The following OTUD7A variants were observed in gnomAD, a reference collection of about 807,000 sequenced individuals.
OTUD7A encodes OTU deubiquitinase 7A, also known as OTU domain-containing protein 7A.
In OTUD7A, 12 loss-of-function variants were observed where a neutral mutation model predicts 65.7. That is an observed-to-expected ratio of 0.18 (90% CI 0.12 to 0.30). The LOEUF is 0.30. OTUD7A is among the 10% of genes least tolerant of loss of function. The pLI, the probability that OTUD7A is intolerant of heterozygous loss-of-function variation, is 1.00. For missense variants in OTUD7A, 1,148 were observed against 1,304.8 expected, an observed-to-expected ratio of 0.88 and a Z score of 1.85; for synonymous variants, 641 against 586.3, an observed-to-expected ratio of 1.09 and a Z score of -1.35.
chr15:31,794,654 C>CT (rs1303012249), intron 1 of OTUD7A, among the ~76,000 whole-genome samples: 1 of 149,496 alleles, frequency 6.7e-6, no homozygotes, highest in Non-Finnish European at 1.5e-5. Context: ...AAAATCCTAA[C>CT]TTTATGGGAC....
intron 1 of OTUD7A, among the ~76,000 whole-genome samples, chr15:31,748,124 G>A (rs1894528544): frequency 6.6e-6 from 1 of 152,118 alleles, no homozygotes; most frequent in African/African-American, 2.4e-5. Flanking sequence ...ACATTATTGA[G>A]AGAATTGATA....
intron 1 of OTUD7A, among the ~76,000 whole-genome samples, chr15:31,853,309 C>A (rs1897478057): frequency 6.6e-6 from 1 of 152,176 alleles, no homozygotes. Context: ...CAGCTTCGAG[C>A]AAACAATCTA....
chr15:31,578,574 C>A (rs991207894), intron 3 of OTUD7A, among the ~76,000 whole-genome samples: 51 of 147,680 alleles, frequency 3.5e-4, no homozygotes, highest in African/African-American at 1.3e-3. Flanking sequence ...TTTTTTGAGA[C>A]AGAGTCTCAC....
At position 31,501,854 on chromosome 15, in the gene OTUD7A, C is replaced by T; in HGVS notation, c.1022-15G>A. ...GGGTGCGAACGCTGTGGACACAAAC[C>T]AGGGTGAGGGTGTGAGGAGCAGCCA... On this transcript the variant is annotated splice_polypyrimidine_tract_variant and intron_variant, in intron 9 of 12. Coordinates refer to ENST00000307050, the MANE Select transcript of OTUD7A (RefSeq NM_001382637.1). The T allele has an allele frequency of 6.2e-7, 1 of 1,600,994 alleles. No individual in the cohort carries two copies. The highest frequency in any genetic ancestry group is 8.5e-7 in the Non-Finnish European group (1 of 1,172,604).
chr15:31,537,768 C>A (rs149753157), intron 5 of OTUD7A, among the ~76,000 whole-genome samples: 1 of 152,360 alleles, frequency 6.6e-6, no homozygotes, highest in East Asian at 1.9e-4. Context: ...CCAAAGTGGG[C>A]AGCCTTGTTC....
chr15:31,674,892 G>A (rs1233982401), intron 1 of OTUD7A, among the ~76,000 whole-genome samples: 3 of 152,188 alleles, frequency 2.0e-5, no homozygotes, highest in South Asian at 2.1e-4. Flanking sequence ...AAAGTTGGGT[G>A]GAGTAGGAAG....
chr15:31,777,857 T>C (rs73378698), intron 1 of OTUD7A, among the ~76,000 whole-genome samples: 4,491 of 152,130 alleles, frequency 0.03, 220 homozygotes, highest in African/African-American at 0.1. Flanking sequence ...AGCTGCAGAA[T>C]TGAGAGCAAA....
At chr15:31,629,473 G>A (rs1002247088) in intron 3 of OTUD7A, among the ~76,000 whole-genome samples, 1 of 152,060 alleles carries the variant, frequency 6.6e-6, no homozygotes, top group Non-Finnish European at 1.5e-5. Flanking sequence ...AGCTTTTTGA[G>A]GTGCTGCTGG....
rs552304141 is a variant in OTUD7A at position 31,509,596 on chromosome 15, C to A, written c.894-5778G>T. Among the ~76,000 whole-genome samples, 29 of 152,064 alleles carry A rather than the reference C, an allele frequency of 1.9e-4. No individual in the cohort carries two copies. The Middle Eastern group carries it at 0.017, about 89-fold the overall frequency. ...CCCAGCCTTGTTTAAAGTTTTAAAA[C>A]AAAATTTTTTTAACCTTTTAATGTA... On this transcript the variant is annotated intron_variant, in intron 8 of 12. Transcript: ENST00000307050.
At chr15:31,550,966 G>C (rs751616393) in intron 5 of OTUD7A, among the ~76,000 whole-genome samples, 8 of 152,206 alleles carry the variant, frequency 5.3e-5, no homozygotes, top group Non-Finnish European at 1.0e-4. Context: ...AACCTGTGCA[G>C]ATAACAGTGT....
chr15:31,752,977 C>T (rs144944392), intron 1 of OTUD7A, among the ~76,000 whole-genome samples: 120 of 152,156 alleles, frequency 7.9e-4, no homozygotes, highest in Non-Finnish European at 9.1e-4. Context: ...CAGAAGTGCT[C>T]AGAATATTAA....
chr15:31,682,857 G>A (rs1047674971), intron 1 of OTUD7A, among the ~76,000 whole-genome samples: 2 of 152,160 alleles, frequency 1.3e-5, no homozygotes, highest in African/African-American at 2.4e-5. Context: ...TTGAGTGTGT[G>A]TGAATATATG....
At chr15:31,833,630 T>C (rs1490712640) in intron 1 of OTUD7A, among the ~76,000 whole-genome samples, 2 of 152,218 alleles carry the variant, frequency 1.3e-5, no homozygotes, top group Non-Finnish European at 2.9e-5. Flanking sequence ...GTTTAACCAA[T>C]AAAATGTATT....
At chr15:31,860,677 G>GCATATATATA (rs1555425281) in intron 1 of OTUD7A, among the ~76,000 whole-genome samples, 44 of 73,278 alleles carry the variant, frequency 6.0e-4, no homozygotes, top group African/African-American at 1.8e-3. Context: ...ATGTATGTGT[G>GCATATATATA]TATATATATA....
At chr15:31,689,293 G>A (rs1480086889) in intron 1 of OTUD7A, 2 of 150,330 alleles carry the variant, frequency 1.3e-5, no homozygotes, top group Admixed American at 1.3e-4. Context: ...CAGCTCTATT[G>A]TCAGAGGCGG....
intron 3 of OTUD7A, among the ~76,000 whole-genome samples, chr15:31,593,005 TA>T (rs1889795007): frequency 7.2e-6 from 1 of 138,048 alleles, no homozygotes; most frequent in Non-Finnish European, 1.5e-5. Flanking sequence ...AAAATGATGA[TA>T]AAAAGTATAG....
At chr15:31,645,646 G>A (rs959941064) in intron 3 of OTUD7A, among the ~76,000 whole-genome samples, 1 of 152,108 alleles carries the variant, frequency 6.6e-6, no homozygotes, top group Admixed American at 6.5e-5. Context: ...TAAATGTTAA[G>A]TGCTCACATT....
intron 5 of OTUD7A, among the ~76,000 whole-genome samples, chr15:31,545,613 A>G (rs980443979): frequency 1.3e-5 from 2 of 152,152 alleles, no homozygotes; most frequent in African/African-American, 4.8e-5. Context: ...GCACCCAACA[A>G]AAGAGGATAT....
Position 31,844,627 on chromosome 15 carries a change from C to G in OTUD7A, c.-100+25880G>C, listed in dbSNP as rs568435867. The stretch of plus-strand genomic sequence containing the variant: ...GATACCTGCCTGTGTCTCCTGGTTC[C>G]TCATATACAACTCCCAGAACTCCTG... On this transcript the variant is annotated intron_variant, in intron 1 of 12. Coordinates refer to ENST00000307050, the MANE Select transcript of OTUD7A (RefSeq NM_001382637.1). 2.6e-5 allele frequency among the ~76,000 whole-genome samples: 4 copies of G among 152,354 alleles called. No homozygotes were observed. The East Asian group carries it at 7.7e-4, about 29-fold the overall frequency.
Sources: allele counts gnomAD v4.1 joint callset (sites outside exome capture counted in the v4.1 genomes callset), GRCh38; gene constraint gnomAD v4.1.1; transcripts MANE v1.5; gene names NCBI Gene and HGNC (gene_info 2026-07-23, HGNC 2026-07-21).